Variants in SLC12A7 observed in about 807,000 individuals in gnomAD.
SLC12A7 encodes the protein solute carrier family 12 member 7.
SLC12A7 carries 100 observed loss-of-function variants against 120.6 expected under a neutral mutation model. The observed-to-expected ratio is 0.83, with a 90% CI of 0.71 to 0.98. The LOEUF is 0.98. Ranked by LOEUF, SLC12A7 falls within the 50% of genes least tolerant of loss-of-function variation. The probability of loss-of-function intolerance (pLI) is 0.00; values close to 1 mark genes in which losing one functional copy is unlikely to be tolerated. For synonymous variants in SLC12A7, 760 were observed against 678.0 expected (o/e 1.12, Z -1.88); for missense variants, 1,373 against 1,548.1 (o/e 0.89, Z 1.90).
chr5:1,076,616 G>GCAGGACCT (rs1738375312), intron 13 of SLC12A7, 78 bp downstream of exon 13: 1 of 1,061,478 alleles, frequency 9.4e-7, no homozygotes, highest in Non-Finnish European at 1.4e-6. Flanking sequence ...CTTGTCCTGA[G>GCAGGACCT]CAGGACCTCC....
intron 22 of SLC12A7, among the ~76,000 whole-genome samples, chr5:1,054,884 AGGAACTT>A (rs1735448023): frequency 6.6e-6 from 1 of 152,240 alleles, no homozygotes; most frequent in Admixed American, 6.5e-5. Context: ...CTTTCGTGCC[AGGAACTT>A]GGAACTTTGA....
the SLC12A7 span, among the ~76,000 whole-genome samples, chr5:1,149,803 C>G: frequency 6.6e-6 from 1 of 152,062 alleles, no homozygotes; most frequent in African/African-American, 2.4e-5. Flanking sequence ...CCAAGGTGGG[C>G]GGATCACCTG....
intron 1 of SLC12A7, among the ~76,000 whole-genome samples, chr5:1,099,949 C>T (rs1452681691): frequency 1.3e-5 from 2 of 152,156 alleles, no homozygotes; most frequent in Non-Finnish European, 2.9e-5. Context: ...AACCTGAGGG[C>T]GCATGACCGT....
intron 5 of SLC12A7, among the ~76,000 whole-genome samples, chr5:1,087,553 G>A (rs1039459599): frequency 1.3e-4 from 20 of 152,224 alleles, no homozygotes; most frequent in African/African-American, 3.4e-4. Flanking sequence ...TAATGGACGC[G>A]GCCATCGTGA....
At chr5:1,148,364 G>A in the SLC12A7 span, among the ~76,000 whole-genome samples, 1 of 151,654 alleles carries the variant, frequency 6.6e-6, no homozygotes, top group African/African-American at 2.4e-5. Flanking sequence ...CCACCACCAC[G>A]CCCGGCTAAT....
chr5:1,081,862 G>T, intron 8 of SLC12A7, 118 bp from the exon 9 acceptor site: 2 of 1,210,778 alleles, frequency 1.7e-6, no homozygotes, highest in Non-Finnish European at 2.3e-6. Flanking sequence ...GTCACAGCTT[G>T]TGCGCCGCAA....
At chr5:1,100,693 ACACTCAGCTGCAGGCTAAC>A (rs1277052786) in intron 1 of SLC12A7, among the ~76,000 whole-genome samples, 1 of 152,206 alleles carries the variant, frequency 6.6e-6, no homozygotes, top group Non-Finnish European at 1.5e-5. Flanking sequence ...CCTCCCCGAA[ACACTCAGCTGCAGGCTAAC>A]CACGAGAGAA....
chr5:1,110,822 G>C (rs376488240), intron 1 of SLC12A7, among the ~76,000 whole-genome samples: 1 of 152,350 alleles, frequency 6.6e-6, no homozygotes, highest in East Asian at 1.9e-4. Flanking sequence ...CGCCCGCCAC[G>C]GGGACCCTGA....
chr5:1,069,922 A>G (rs1238031572), intron 17 of SLC12A7, among the ~76,000 whole-genome samples: 1 of 151,974 alleles, frequency 6.6e-6, no homozygotes, highest in African/African-American at 2.4e-5. Context: ...CGCCCGGGGC[A>G]CTCACCCGTC....
At chr5:1,094,028 C>T (rs928506056) in intron 2 of SLC12A7, 126 bp downstream of exon 2, 8 of 707,462 alleles carry the variant, frequency 1.1e-5, no homozygotes, top group African/African-American at 5.4e-5. Flanking sequence ...CAGGGAGGCC[C>T]CAGTTCCTTC....
the SLC12A7 span, among the ~76,000 whole-genome samples, chr5:1,149,143 AG>A: frequency 1.6e-3 from 15 of 9,430 alleles, no homozygotes; most frequent in South Asian, 0.01. Context: ...CGCACCCAGA[AG>A]GGGGACTGTG....
the SLC12A7 span, among the ~76,000 whole-genome samples, chr5:1,144,963 G>A: frequency 6.6e-6 from 1 of 152,250 alleles, no homozygotes; most frequent in African/African-American, 2.4e-5. Flanking sequence ...TACTGCATCC[G>A]AGGAAGGAAG....
At chr5:1,155,840 G>A in the SLC12A7 span, among the ~76,000 whole-genome samples, 5 of 151,412 alleles carry the variant, frequency 3.3e-5, no homozygotes, top group Non-Finnish European at 5.9e-5. Context: ...CCCCCGCCGC[G>A]GGGGTCACCA....
chr5:1,118,782 A>G, the SLC12A7 span, among the ~76,000 whole-genome samples: 1 of 152,212 alleles, frequency 6.6e-6, no homozygotes, highest in African/African-American at 2.4e-5. Flanking sequence ...TGCTCATAAC[A>G]TCAAATGTGC....
upstream of SLC12A7, among the ~76,000 whole-genome samples, chr5:1,112,879 C>A (rs73031119): frequency 0.11 from 14,511 of 133,682 alleles, 1,271 homozygotes; most frequent in East Asian, 0.23. Flanking sequence ...AGTCCCCCCC[C>A]CCACCCATGA....
chr5:1,147,914 T>C, the SLC12A7 span, among the ~76,000 whole-genome samples: 1 of 152,020 alleles, frequency 6.6e-6, no homozygotes, highest in Admixed American at 6.6e-5. Context: ...AGAAAATTTT[T>C]TGTAGAGACG....
chr5:1,091,644 G>A (rs891455304), intron 3 of SLC12A7, among the ~76,000 whole-genome samples: 3 of 152,180 alleles, frequency 2.0e-5, no homozygotes, highest in African/African-American at 7.2e-5. Context: ...TGCTGAGCCC[G>A]GCAATACCCA....
At position 1,057,453 on chromosome 5, in the gene SLC12A7, ACACG is replaced by A. The variant is rs754605886; in HGVS notation, c.3026+14_3026+17del. On this transcript the variant is annotated intron_variant, in intron 22 of 23. Coordinates refer to ENST00000264930, the MANE Select transcript of SLC12A7 (RefSeq NM_006598.3). ...TGCCAGGATCTGTTCCCCCCAGGCC[ACACG>A]CACGGACACTCACGGCTTCATGCTG... The A allele has an allele frequency of 2.1e-5, 34 of 1,598,754 alleles. No individual in the cohort carries two copies. The South Asian group carries it at 3.5e-4, about 16-fold the overall frequency.
the SLC12A7 span, among the ~76,000 whole-genome samples, chr5:1,151,691 G>A: frequency 4.0e-5 from 6 of 151,698 alleles, no homozygotes; most frequent in African/African-American, 1.2e-4. This position sits in a 1 kb window ranked among gnomAD's most constrained non-coding sequence, Gnocchi z 6.2. Flanking sequence ...AGCAGGCTCA[G>A]TGCAGCCCGG....
Sources: allele counts gnomAD v4.1 joint callset (sites outside exome capture counted in the v4.1 genomes callset), GRCh38; gene constraint gnomAD v4.1.1; non-coding constraint Gnocchi (gnomAD v3.1); transcripts MANE v1.5; gene names NCBI Gene and HGNC (gene_info 2026-07-23, HGNC 2026-07-21).